TMCO1: variants seen among roughly 807,000 people sequenced by gnomAD.
TMCO1 encodes transmembrane and coiled-coil domains 1, also known as calcium load-activated calcium channel.
Under a neutral mutation model 29.3 loss-of-function variants are expected in TMCO1, and 29 were observed. The observed-to-expected ratio is 0.99, with a 90% CI of 0.74 to 1.35. The LOEUF (loss-of-function observed/expected upper bound fraction) is 1.35. TMCO1 is among the 40% of genes most tolerant of loss of function. TMCO1 has a pLI of 0.00. For missense variants in TMCO1, 173 were observed against 225.5 expected (o/e 0.77, Z 1.49); for synonymous variants, 80 against 77.1 (o/e 1.04, Z -0.20).
intron 5 of TMCO1, among the ~76,000 whole-genome samples, chr1:165,746,465 A>ACACACACACACT (rs1651804262): frequency 6.7e-6 from 1 of 150,084 alleles, no homozygotes; most frequent in Non-Finnish European, 1.5e-5. Flanking sequence ...ACACACACAC[A>ACACACACACACT]CACACACACA....
In TMCO1 at chr1:165,768,794, C is replaced by A. The variant is rs760687552; in HGVS notation, c.-43G>T. The stretch of plus-strand genomic sequence containing the variant: ...GCACTCTCACCCGCCAGGGGGAAAG[C>A]GCTCTACAGCCAGGAAAAGTGAAGC... On this transcript the variant is annotated 5_prime_UTR_variant, in exon 1 of 7. Transcript: ENST00000367881. The A allele has an allele frequency of 6.2e-7, 1 of 1,613,564 alleles. No homozygotes were observed. The highest frequency in any genetic ancestry group is 8.5e-7 in the Non-Finnish European group (1 of 1,179,772).
At chr1:165,746,991 T>A (rs1651822146) in intron 5 of TMCO1, among the ~76,000 whole-genome samples, 2 of 152,174 alleles carry the variant, frequency 1.3e-5, no homozygotes, top group South Asian at 2.1e-4. Context: ...CTGGGCATGG[T>A]GGCTCACGCC....
intron 6 of TMCO1, among the ~76,000 whole-genome samples, chr1:165,733,800 G>A (rs981370181): frequency 6.6e-6 from 1 of 152,114 alleles, no homozygotes; most frequent in Non-Finnish European, 1.5e-5. Context: ...ACCCAGAAGA[G>A]AAAAACAAAG....
intron 2 of TMCO1, among the ~76,000 whole-genome samples, chr1:165,760,359 C>T (rs112895111): frequency 6.7e-5 from 10 of 148,684 alleles, no homozygotes; most frequent in East Asian, 2.0e-4. Flanking sequence ...TGAATCCAGG[C>T]GGTGGAGGTT....
Position 165,728,093 on chromosome 1 carries a change from G to T in TMCO1, c.497C>A (p.Pro166His). The part of the protein sequence containing the change: ...QNIQKILGLA[P>H]SRAATKQAGG... ...TGCCTGCTTGGTGGCGGCTCGTGAA[G>T]GGGCAAGGCCGAGAATCTTCTGAAT... The change falls in exon 7 of 7, where the codon CCT becomes CAT. Residue 166 changes from proline (P) to histidine (H), a missense_variant. Coordinates refer to ENST00000367881, the MANE Select transcript of TMCO1 (RefSeq NM_019026.6). The T allele has an allele frequency of 6.2e-7, 1 of 1,608,790 alleles. No homozygotes were observed. The highest frequency in any genetic ancestry group is 1.1e-5 in the South Asian group (1 of 90,990).
chr1:165,754,059 G>C (rs1652097713), intron 4 of TMCO1, among the ~76,000 whole-genome samples, 169 bp downstream of exon 4: 1 of 152,138 alleles, frequency 6.6e-6, no homozygotes, highest in Non-Finnish European at 1.5e-5. Flanking sequence ...AAGTTTAAGA[G>C]CAGGAGCATA....
chr1:165,744,999 C>G (rs550201189), intron 5 of TMCO1, among the ~76,000 whole-genome samples: 1 of 151,662 alleles, frequency 6.6e-6, no homozygotes, highest in Non-Finnish European at 1.5e-5. Flanking sequence ...CAGCTGTTAA[C>G]AAATTTTAAG....
intron 2 of TMCO1, among the ~76,000 whole-genome samples, chr1:165,761,719 T>C (rs771027449): frequency 6.6e-6 from 1 of 151,808 alleles, no homozygotes; most frequent in Admixed American, 6.6e-5. Context: ...GAGGCCAAGA[T>C]GGGAAGATCA....
At chr1:165,745,795 C>A (rs1188759557) in intron 5 of TMCO1, among the ~76,000 whole-genome samples, 3 of 152,056 alleles carry the variant, frequency 2.0e-5, no homozygotes, top group Non-Finnish European at 4.4e-5. Context: ...TAGGTGCTGA[C>A]AATCTAAGAC....
chr1:165,759,370 T>G (rs1437471075), intron 3 of TMCO1, among the ~76,000 whole-genome samples, 155 bp downstream of exon 3: 6 of 152,168 alleles, frequency 3.9e-5, no homozygotes, highest in Non-Finnish European at 7.4e-5. Flanking sequence ...ACAAAATGGG[T>G]AAGAATCAAG....
intron 3 of TMCO1, among the ~76,000 whole-genome samples, chr1:165,759,319 G>A (rs549658097): frequency 4.7e-4 from 72 of 152,250 alleles, no homozygotes; most frequent in African/African-American, 1.7e-3. Flanking sequence ...AAAGCTAAGA[G>A]CAAAAATAGA....
intron 6 of TMCO1, among the ~76,000 whole-genome samples, chr1:165,728,501 C>T (rs190253614): frequency 2.6e-5 from 4 of 152,122 alleles, no homozygotes; most frequent in African/African-American, 9.6e-5. Context: ...CATGATCTGC[C>T]CACCTCGGCC....
chr1:165,768,891 C>G (rs1476414936), upstream of TMCO1: 1 of 1,549,734 alleles, frequency 6.5e-7, no homozygotes, highest in East Asian at 2.4e-5. Flanking sequence ...ATCGCACTTC[C>G]GCTTCCGGGG....
At chr1:165,741,829 CCT>C (rs1651605825) in intron 6 of TMCO1, among the ~76,000 whole-genome samples, 1 of 152,228 alleles carries the variant, frequency 6.6e-6, no homozygotes, top group Non-Finnish European at 1.5e-5. Context: ...ATACCTCCCA[CCT>C]CTCTCTCTTG....
At chr1:165,728,177 G>A in intron 6 of TMCO1, 56 bp from the exon 7 acceptor site, 3 of 1,376,726 alleles carry the variant, frequency 2.2e-6, no homozygotes, top group Non-Finnish European at 3.1e-6. Flanking sequence ...CAGAAGATGT[G>A]TTTTATGTAG....
downstream of TMCO1, chr1:165,726,616 GGCT>G (rs1460935379): frequency 2.2e-6 from 1 of 457,202 alleles, no homozygotes; most frequent in Non-Finnish European, 4.4e-6. Context: ...TACCTTGTAG[GGCT>G]GTCTTGGGAT....
chr1:165,738,479 A>C (rs1191407133), intron 6 of TMCO1, among the ~76,000 whole-genome samples: 1 of 148,264 alleles, frequency 6.7e-6, no homozygotes, highest in African/African-American at 2.7e-5. Context: ...AAGCAAATAA[A>C]ACAACAACAT....
At chr1:165,725,208 A>G (rs535068578), downstream of TMCO1, 6 of 453,344 alleles carry the variant, frequency 1.3e-5, no homozygotes, top group African/African-American at 6.0e-5. Context: ...ATTGAAATAC[A>G]TAAAATAAGT....
At chr1:165,745,321 C>A (rs1349344127) in intron 5 of TMCO1, among the ~76,000 whole-genome samples, 1 of 149,214 alleles carries the variant, frequency 6.7e-6, no homozygotes, top group Non-Finnish European at 1.5e-5. Context: ...CCACTCTTGG[C>A]TTACATAATC....
Sources: gnomAD v4.1 joint callset for allele counts (sites outside exome capture counted in the v4.1 genomes callset) on GRCh38, gnomAD v4.1.1 for gene constraint, MANE v1.5 for transcripts, NCBI Gene and HGNC (gene_info 2026-07-23, HGNC 2026-07-21) for gene names.